TNRC18: variants seen among roughly 807,000 people sequenced by gnomAD.
The protein encoded by TNRC18 is trinucleotide repeat-containing gene 18 protein.
TNRC18 carries 69 observed loss-of-function variants against 226.7 expected under a neutral mutation model. The observed-to-expected ratio is 0.30, with a 90% CI of 0.25 to 0.37. The LOEUF is 0.37. Among genes scored for constraint, TNRC18 ranks in the 10% least tolerant of loss-of-function variants. The pLI, the probability that TNRC18 is intolerant of heterozygous loss-of-function variation, is 1.00. For missense variants in TNRC18, 4,754 were observed against 4,256.6 expected (o/e 1.12, Z -3.25); for synonymous variants, 2,449 against 1,927.6 (o/e 1.27, Z -7.09).
intron 27 of TNRC18, among the ~76,000 whole-genome samples, chr7:5,311,547 C>A (rs568321043): frequency 2.6e-5 from 4 of 152,322 alleles, no homozygotes; most frequent in South Asian, 4.1e-4. Flanking sequence ...GCTGTCAGGC[C>A]CCGCACCTGG....
At position 5,394,454 on chromosome 7, in the gene TNRC18, G is replaced by T. The variant is rs1334159410; in HGVS notation, c.329C>A (p.Ala110Asp). 1.3e-6 allele frequency: 2 copies of T among 1,548,058 alleles called. No homozygotes were observed. Among genetic ancestry groups the T allele is most frequent in the Admixed American group, 2.0e-5 (1 of 48,956 alleles). Residue 110 changes from alanine (A) to aspartate (D), a missense_variant, in exon 3 of 30, where the codon GCC (alanine) becomes GAC (aspartate). Coordinates refer to ENST00000430969, the MANE Select transcript of TNRC18 (RefSeq NM_001080495.3). This position sits in a 1 kb window ranked among gnomAD's most constrained non-coding sequence, Gnocchi z 4.5. Reference sequence around the variant, plus strand: ...ATGTTCCTTACCTTCATGGGCGTGGGCGGCCCACAGCTGCACCATGGGCAG... The same window carrying T: ...ATGTTCCTTACCTTCATGGGCGTGGTCGGCCCACAGCTGCACCATGGGCAG... The part of the protein sequence containing the change: ...SNLPMVQLWA[A>D]HAHEGFSHLP...
At chr7:5,372,543 AAAAAAAAAAAAAG>A (rs1794267716) in intron 10 of TNRC18, among the ~76,000 whole-genome samples, 1 of 142,556 alleles carries the variant, frequency 7.0e-6, no homozygotes, top group African/African-American at 2.5e-5. Flanking sequence ...CATCTCTACT[AAAAAAAAAAAAAG>A]AAAAAAAAAT....
At position 5,364,462 on chromosome 7, in the gene TNRC18, AACACACACACACAC is replaced by A. The variant is rs58752853; in HGVS notation, c.4220-1651_4220-1638del. Reference sequence around the variant, plus strand: ...AACAGAGCGAGCCTGTCTCAAAGAAAACACACACACACACACACACACACACACACACACACACA... The same window carrying A: ...AACAGAGCGAGCCTGTCTCAAAGAAAACACACACACACACACACACACACA... On this transcript the variant is annotated intron_variant, in intron 11 of 29. Transcript: ENST00000430969. Among the ~76,000 whole-genome samples, 721 of 116,708 alleles carry A rather than the reference AACACACACACACAC, an allele frequency of 6.2e-3. 13 individuals carry two copies. Among genetic ancestry groups the A allele is most frequent in the African/African-American group, 0.018 (547 of 31,030 alleles). The allele number at this position is 116,708 out of a possible 152,430, so 76.6% of individuals were successfully genotyped here.
intron 18 of TNRC18, 37 bp downstream of exon 18, chr7:5,345,525 C>CCCCCCCCCCCCCCCCCCCCCCCCG: frequency 4.6e-6 from 1 of 217,344 alleles, no homozygotes; most frequent in Non-Finnish European, 9.4e-6. Flanking sequence ...CCGCCCCTCC[C>CCCCCCCCCCCCCCCCCCCCCCCCG]ACCCACCCCC....
At chr7:5,354,284 G>GCT (rs1792124438) in intron 16 of TNRC18, among the ~76,000 whole-genome samples, 1 of 151,912 alleles carries the variant, frequency 6.6e-6, no homozygotes, top group Admixed American at 6.6e-5. Context: ...GAACACACCA[G>GCT]CTCGGAGCAC....
chr7:5,340,271 T>C (rs932530275), intron 18 of TNRC18, among the ~76,000 whole-genome samples: 9 of 152,150 alleles, frequency 5.9e-5, no homozygotes, highest in Non-Finnish European at 1.3e-4. Context: ...TAGAGAAAGT[T>C]TGAGTGATCT....
At position 5,355,865 on chromosome 7, in the gene TNRC18, G is replaced by T. The variant is rs868714172; in HGVS notation, c.5194+1051C>A. 4.6e-5 allele frequency among the ~76,000 whole-genome samples: 7 copies of T among 152,114 alleles called. 1 individual carries two copies. The South Asian group carries it at 1.5e-3, about 32-fold the overall frequency. On this transcript the variant is annotated intron_variant, in intron 16 of 29. Transcript: ENST00000430969. ...TGCACTCCAGCCTAAGCAATAAGAA[G>T]AGACCCTGTCTCAAAAAACGCACGG...
intron 2 of TNRC18, among the ~76,000 whole-genome samples, chr7:5,405,362 A>G (rs918137297): frequency 6.6e-6 from 1 of 152,192 alleles, no homozygotes. Context: ...TGAGGTCAGG[A>G]GTTTGAGACA....
At chr7:5,399,988 C>G (rs1015567651) in intron 2 of TNRC18, among the ~76,000 whole-genome samples, 2 of 152,024 alleles carry the variant, frequency 1.3e-5, no homozygotes, top group African/African-American at 4.8e-5. Context: ...CTCCCGGGCT[C>G]AAGCAATCGC....
intron 16 of TNRC18, among the ~76,000 whole-genome samples, chr7:5,356,168 T>TAAA (rs1172689513): frequency 5.0e-5 from 5 of 99,612 alleles, no homozygotes; most frequent in South Asian, 6.5e-4. Context: ...CGTCTCAAAT[T>TAAA]AAAAAAAAAA....
chr7:5,365,808 G>A (rs556360617), intron 11 of TNRC18, among the ~76,000 whole-genome samples: 1 of 151,854 alleles, frequency 6.6e-6, no homozygotes, highest in Non-Finnish European at 1.5e-5. Context: ...GGTGGCTCAC[G>A]TCTGTAATCC....
chr7:5,412,745 AG>A (rs1298361440), intron 2 of TNRC18, among the ~76,000 whole-genome samples: 1 of 152,160 alleles, frequency 6.6e-6, no homozygotes, highest in Non-Finnish European at 1.5e-5. Flanking sequence ...CTCAGCTTGG[AG>A]GCCATCCTGC....
chr7:5,329,682 C>CGAAA (rs1789307587), intron 19 of TNRC18, among the ~76,000 whole-genome samples: 1 of 45,756 alleles, frequency 2.2e-5, no homozygotes, highest in Non-Finnish European at 3.6e-5. Context: ...GACTCCGTCT[C>CGAAA]AAAAAAAAAA....
intron 8 of TNRC18, 41 bp from the exon 9 acceptor site, chr7:5,376,265 G>A (rs375804438): frequency 2.2e-5 from 31 of 1,406,418 alleles, no homozygotes; most frequent in Non-Finnish European, 2.8e-5. Flanking sequence ...GCGGCCTGAT[G>A]CTCCACCACC....
chr7:5,320,344 C>G lies in TNRC18; in HGVS notation c.6719G>C (p.Cys2240Ser). 6.4e-7 allele frequency: 1 copy of G among 1,556,388 alleles called. No homozygotes were observed. The highest frequency in any genetic ancestry group is 8.7e-7 in the Non-Finnish European group (1 of 1,149,870). Residue 2240 changes from cysteine to serine, a missense_variant, in exon 24 of 30, where the codon TGT becomes TCT. Cys to Ser is a moderately radical substitution (Grantham distance 112). Coordinates refer to ENST00000430969, the MANE Select transcript of TNRC18 (RefSeq NM_001080495.3). The stretch of plus-strand genomic sequence containing the variant: ...TCGGACCACAGTGCCTGGGTAGAGA[C>G]AGCGGTACTGCTGGCTCCAGTAGGC... ...IAAYWSQQYRCLYPGTVVRGL... is the reference protein window; with the variant it reads ...IAAYWSQQYRSLYPGTVVRGL...
At chr7:5,384,795 G>A (rs1040332773) in intron 5 of TNRC18, among the ~76,000 whole-genome samples, 1 of 152,212 alleles carries the variant, frequency 6.6e-6, no homozygotes, top group African/African-American at 2.4e-5. Flanking sequence ...CCAGAATAAG[G>A]CAGGTTCTCA....
At chr7:5,391,488 T>A (rs998889460) in intron 3 of TNRC18, among the ~76,000 whole-genome samples, 13 of 151,730 alleles carry the variant, frequency 8.6e-5, no homozygotes, top group African/African-American at 3.1e-4. Context: ...ATTTTGTATT[T>A]TTAGTAGAGA....
chr7:5,345,523 C>CCCCCCCCCCCCCCCCCCCCACCCCCCA, intron 18 of TNRC18, 39 bp downstream of exon 18: 1 of 179,160 alleles, frequency 5.6e-6, no homozygotes. Flanking sequence ...GTCCGCCCCT[C>CCCCCCCCCCCCCCCCCCCCACCCCCCA]CCACCCACCC....
At chr7:5,362,530 T>C (rs933999955) in intron 12 of TNRC18, 120 bp downstream of exon 12, 1 of 949,912 alleles carries the variant, frequency 1.1e-6, no homozygotes, top group South Asian at 1.8e-5. Context: ...GAGCTGAACG[T>C]AGCTCAGGCC....
Sources: gnomAD v4.1 joint callset for allele counts (sites outside exome capture counted in the v4.1 genomes callset) on GRCh38, gnomAD v4.1.1 for gene constraint, Gnocchi (gnomAD v3.1) non-coding constraint, MANE v1.5 for transcripts, NCBI Gene and HGNC (gene_info 2026-07-23, HGNC 2026-07-21) for gene names.